The following ENKUR variants were observed in gnomAD, a reference collection of about 807,000 sequenced individuals.
The protein encoded by ENKUR is enkurin, TRPC channel interacting protein.
A neutral mutation model predicts 27.6 loss-of-function variants in ENKUR; 19 were observed. That is an observed-to-expected ratio of 0.69 (90% CI 0.48 to 1.01). ENKUR has a LOEUF of 1.01. ENKUR is among the 50% of genes least tolerant of loss of function. The probability of loss-of-function intolerance (pLI) is 0.00; values close to 1 mark genes in which losing one functional copy is unlikely to be tolerated. For synonymous variants in ENKUR, 117 were observed against 96.9 expected, an observed-to-expected ratio of 1.21 and a Z score of -1.22; for missense variants, 312 against 310.5, an observed-to-expected ratio of 1.00 and a Z score of -0.04.
intron 2 of ENKUR, 148 bp from the exon 3 acceptor site, chr10:24,996,017 C>A: frequency 3.3e-6 from 2 of 607,762 alleles, no homozygotes; most frequent in Non-Finnish European, 5.2e-6. Context: ...TATGCTTACC[C>A]CCAAACTCAT....
At chr10:25,054,115 A>G (rs1043339755) in intron 2 of ENKUR, among the ~76,000 whole-genome samples, 2 of 152,112 alleles carry the variant, frequency 1.3e-5, no homozygotes, top group Non-Finnish European at 2.9e-5. Context: ...GGGGATAAAA[A>G]CTTGCTTTAA....
At chr10:25,044,452 A>C (rs1487853994) in intron 2 of ENKUR, among the ~76,000 whole-genome samples, 4 of 152,154 alleles carry the variant, frequency 2.6e-5, no homozygotes, top group Admixed American at 6.6e-5. Flanking sequence ...GCTGGAGTGC[A>C]ATGGCACAGT....
intron 2 of ENKUR, among the ~76,000 whole-genome samples, chr10:25,051,990 C>T (rs1444231291): frequency 1.3e-5 from 2 of 152,096 alleles, no homozygotes; most frequent in African/African-American, 4.8e-5. Flanking sequence ...ATGTTATTTT[C>T]AATTGTTTTA....
chr10:25,023,656 C>G (rs201614269), intron 2 of ENKUR: 1 of 1,614,084 alleles, frequency 6.2e-7, no homozygotes, highest in East Asian at 2.2e-5. Flanking sequence ...CATGTGGCAT[C>G]TGAAGAAAAA....
chr10:25,029,552 A>AG (rs1491139614), intron 2 of ENKUR, among the ~76,000 whole-genome samples: 2 of 76,188 alleles, frequency 2.6e-5, no homozygotes, highest in African/African-American at 6.4e-5. Context: ...AATGTTAGTT[A>AG]AAAAAAAAAT....
At chr10:25,032,555 G>A (rs1229586220) in intron 2 of ENKUR, among the ~76,000 whole-genome samples, 3 of 152,074 alleles carry the variant, frequency 2.0e-5, no homozygotes, top group East Asian at 1.9e-4. Flanking sequence ...GAATTCTCTT[G>A]TTCTTAGTTC....
intron 1 of ENKUR, among the ~76,000 whole-genome samples, chr10:25,013,284 A>G (rs1243756647): frequency 6.6e-6 from 1 of 152,246 alleles, no homozygotes; most frequent in African/African-American, 2.4e-5. Flanking sequence ...GATATAAAAG[A>G]CATATTTATT....
Position 24,995,718 on chromosome 10 carries a change from A to T in ENKUR, c.375T>A (p.Tyr125Ter). The T allele has an allele frequency of 2.5e-6, 4 of 1,614,070 alleles. No individual in the cohort carries two copies. Among genetic ancestry groups the T allele is most frequent in the Non-Finnish European group, 3.4e-6 (4 of 1,180,010 alleles). ...MGVAKKPKPI[Y>*]VDKRTGDKHD... ...GCTTGTCTCCAGTTCTTTTATCAAC[A>T]TAAATTGGTTTAGGCTTTTTAGCCA... Residue 125 changes from tyrosine to a stop codon, truncating the protein, a stop_gained, in exon 3 of 6, where the codon TAT becomes TAA. Coordinates refer to ENST00000331161, the MANE Select transcript of ENKUR (RefSeq NM_145010.4). LOFTEE classifies it high-confidence loss of function.
chr10:24,991,948 T>A (rs1849938464), intron 3 of ENKUR, among the ~76,000 whole-genome samples: 1 of 152,040 alleles, frequency 6.6e-6, no homozygotes, highest in African/African-American at 2.4e-5. Flanking sequence ...TTCGGCATGC[T>A]CCCCCTAGAA....
intron 2 of ENKUR, among the ~76,000 whole-genome samples, chr10:25,044,957 C>T (rs1012844654): frequency 3.3e-5 from 5 of 152,164 alleles, no homozygotes; most frequent in Non-Finnish European, 7.3e-5. Flanking sequence ...GCTCCTGACT[C>T]CCTCTCTGAT....
At chr10:25,049,022 C>T (rs764042661) in intron 2 of ENKUR, among the ~76,000 whole-genome samples, 11 of 152,120 alleles carry the variant, frequency 7.2e-5, no homozygotes, top group Non-Finnish European at 1.2e-4. Context: ...AGAAGGCTGG[C>T]TTTGAAGTCG....
intron 2 of ENKUR, among the ~76,000 whole-genome samples, chr10:25,048,380 T>G (rs1469512449): frequency 6.6e-6 from 1 of 151,968 alleles, no homozygotes; most frequent in Non-Finnish European, 1.5e-5. Context: ...GGAGGCGATA[T>G]ATGGGTTCAA....
chr10:24,988,841 A>G (rs1185544097), intron 4 of ENKUR, among the ~76,000 whole-genome samples: 1 of 151,654 alleles, frequency 6.6e-6, no homozygotes, highest in Non-Finnish European at 1.5e-5. Context: ...TCAGGGACAT[A>G]CAACCAGATT....
chr10:25,060,097 G>C (rs961425360), intron 2 of ENKUR, among the ~76,000 whole-genome samples: 4 of 152,128 alleles, frequency 2.6e-5, no homozygotes, highest in Admixed American at 2.0e-4. Context: ...CCTGAAGGCG[G>C]GGTGCTTAGG....
chr10:25,010,031 C>T (rs539752437), intron 1 of ENKUR, among the ~76,000 whole-genome samples: 3 of 152,044 alleles, frequency 2.0e-5, no homozygotes, highest in Non-Finnish European at 4.4e-5. Flanking sequence ...AATGTGAAAG[C>T]GACTTTGGAA....
intron 1 of ENKUR, among the ~76,000 whole-genome samples, chr10:25,010,300 C>T (rs914375629): frequency 2.0e-5 from 3 of 152,096 alleles, no homozygotes; most frequent in Non-Finnish European, 4.4e-5. Context: ...ATTTGTGGAA[C>T]TTCGAATTTG....
chr10:25,044,565 T>G lies in ENKUR; in HGVS notation c.37+16547A>C, dbSNP rs200813591. Among the ~76,000 whole-genome samples, 8 of 152,184 alleles carry G rather than the reference T, an allele frequency of 5.3e-5. No individual in the cohort carries two copies. The East Asian group carries it at 1.4e-3, about 26-fold the overall frequency. ...GCACGTGTCACCATGCCTGGCTAATTTTTTCATATTTTGTAGAGACATAGT... is the reference window on the plus strand; with the variant it reads ...GCACGTGTCACCATGCCTGGCTAATGTTTTCATATTTTGTAGAGACATAGT... On this transcript the variant is annotated intron_variant, in intron 2 of 5. Coordinates refer to the ENKUR transcript ENST00000615958.
At chr10:24,991,078 CAG>C (rs1278926050) in intron 3 of ENKUR, among the ~76,000 whole-genome samples, 1 of 152,166 alleles carries the variant, frequency 6.6e-6, no homozygotes, top group African/African-American at 2.4e-5. Flanking sequence ...GCCTGGGTGT[CAG>C]AGTGTGACTC....
intron 5 of ENKUR, 34 bp downstream of exon 5, chr10:24,984,702 T>C (rs746096773): frequency 2.6e-6 from 4 of 1,552,270 alleles, no homozygotes; most frequent in Admixed American, 2.1e-5. Context: ...TTCCCCTACA[T>C]TGAAATTGTT....
Sources: gnomAD v4.1 joint callset for allele counts (sites outside exome capture counted in the v4.1 genomes callset) on GRCh38, gnomAD v4.1.1 for gene constraint, MANE v1.5 for transcripts, NCBI Gene and HGNC (gene_info 2026-07-23, HGNC 2026-07-21) for gene names.